The following GRIK2 variants were observed in gnomAD, a reference collection of about 807,000 sequenced individuals.
GRIK2 encodes the protein glutamate receptor ionotropic, kainate 2.
Under a neutral mutation model 100.3 loss-of-function variants are expected in GRIK2, and 32 were observed. The ratio of observed to expected loss-of-function variants is 0.32; its 90% CI spans 0.24 to 0.43. GRIK2 has a LOEUF of 0.43. GRIK2 is among the 20% of genes least tolerant of loss of function. The pLI, the probability that GRIK2 is intolerant of heterozygous loss-of-function variation, is 1.00. For missense variants in GRIK2, 843 were observed against 1,114.9 expected, an observed-to-expected ratio of 0.76 and a Z score of 3.47; for synonymous variants, 417 against 389.4, an observed-to-expected ratio of 1.07 and a Z score of -0.83.
chr6:101,666,436 G>A (rs948820331), intron 4 of GRIK2, among the ~76,000 whole-genome samples: 2 of 152,196 alleles, frequency 1.3e-5, no homozygotes, highest in African/African-American at 4.8e-5. Context: ...TGGCTGACCT[G>A]TAGTCTCCAA....
chr6:101,992,081 G>T (rs1794406440), intron 14 of GRIK2, among the ~76,000 whole-genome samples: 1 of 151,548 alleles, frequency 6.6e-6, no homozygotes, highest in Non-Finnish European at 1.5e-5. Context: ...TGCAATAACT[G>T]AAGTATTTAG....
intron 11 of GRIK2, among the ~76,000 whole-genome samples, chr6:101,885,884 G>A (rs1331670833): frequency 6.6e-6 from 1 of 151,968 alleles, no homozygotes; most frequent in African/African-American, 2.4e-5. Context: ...TAGTACATTT[G>A]TTACAGTTGA....
intron 14 of GRIK2, among the ~76,000 whole-genome samples, chr6:101,955,436 G>A (rs1791854306): frequency 6.6e-6 from 1 of 152,060 alleles, no homozygotes; most frequent in South Asian, 2.1e-4. Flanking sequence ...AAGTTTGCTT[G>A]AATCCAGGAG....
intron 15 of GRIK2, among the ~76,000 whole-genome samples, chr6:102,041,916 T>C (rs1208812167): frequency 6.6e-6 from 1 of 151,604 alleles, no homozygotes; most frequent in Non-Finnish European, 1.5e-5. Flanking sequence ...ATATTAAATA[T>C]ATAGCCGAGA....
rs920470004 is a variant in GRIK2, at chr6:101,620,166, T to C, written c.116-1783T>C. The C allele has an allele frequency of 3.2e-5, 21 of 646,788 alleles. No individual in the cohort carries two copies. In the African/African-American group the frequency reaches 4.1e-4, roughly 13 times the overall value. 40.1% of individuals were successfully genotyped at this position (646,788 alleles called of 1,614,324 possible). A position where few individuals can be genotyped will look rare whatever the true frequency, so the allele number is the denominator to read the frequency against. On this transcript the variant is annotated intron_variant, in intron 2 of 16. Coordinates refer to ENST00000369134, the MANE Select transcript of GRIK2 (RefSeq NM_021956.5). ...CAGATAGCAATTGGCAAATCCAGAA[T>C]GTTAAACCCGGTCTAGCTCCAAATA...
At chr6:101,679,847 C>T (rs1771110669) in intron 5 of GRIK2, among the ~76,000 whole-genome samples, 2 of 152,148 alleles carry the variant, frequency 1.3e-5, no homozygotes, top group South Asian at 4.1e-4. Context: ...TCAAGCAATT[C>T]TCTGCCTCGG....
chr6:101,578,035 C>T (rs941040958), intron 2 of GRIK2, among the ~76,000 whole-genome samples: 1 of 152,156 alleles, frequency 6.6e-6, no homozygotes, highest in Non-Finnish European at 1.5e-5. Context: ...AAACCCAATT[C>T]TTCACCTCAC....
At chr6:101,585,396 T>C (rs963969056) in intron 2 of GRIK2, among the ~76,000 whole-genome samples, 1 of 152,108 alleles carries the variant, frequency 6.6e-6, no homozygotes, top group Non-Finnish European at 1.5e-5. Flanking sequence ...TTCATGTCTT[T>C]ATTCAATCAT....
chr6:101,987,216 T>A (rs908227811), intron 14 of GRIK2, among the ~76,000 whole-genome samples: 1 of 151,826 alleles, frequency 6.6e-6, no homozygotes, highest in African/African-American at 2.4e-5. Context: ...ATGAATATTA[T>A]CATTCCCTTT....
intron 7 of GRIK2, among the ~76,000 whole-genome samples, chr6:101,711,418 A>T (rs1773686673): frequency 6.6e-6 from 1 of 151,792 alleles, no homozygotes; most frequent in Admixed American, 6.6e-5. Flanking sequence ...TTTAATATAA[A>T]ATCTGAAGAG....
At chr6:101,549,289 A>AAAG (rs1776397619) in intron 2 of GRIK2, among the ~76,000 whole-genome samples, 1 of 150,630 alleles carries the variant, frequency 6.6e-6, no homozygotes, top group Non-Finnish European at 1.5e-5. Flanking sequence ...AAAAAAAAAA[A>AAAG]GATTGTATGT....
chr6:101,626,999 A>G (rs944970646), intron 4 of GRIK2, among the ~76,000 whole-genome samples: 1 of 151,990 alleles, frequency 6.6e-6, no homozygotes, highest in African/African-American at 2.4e-5. Flanking sequence ...TATATTTAGA[A>G]TTCCAGTCAT....
At chr6:101,649,075 G>A (rs753298455) in intron 4 of GRIK2, among the ~76,000 whole-genome samples, 2 of 151,956 alleles carry the variant, frequency 1.3e-5, no homozygotes, top group Non-Finnish European at 2.9e-5. Context: ...ACAATTCAAG[G>A]TGAGAATATG....
Position 102,068,391 on chromosome 6 carries a change from G to C in GRIK2, c.2607G>C (p.Leu869=). The C allele has an allele frequency of 6.2e-7, 1 of 1,612,052 alleles. No individual in the cohort carries two copies. Among genetic ancestry groups the C allele is most frequent in the East Asian group, 2.2e-5 (1 of 44,846 alleles). ...TGGTAGAAGAATTGAGGATGTCCCT[G>C]AAGTGCCAGCGTCGGTTAAAACATA... is the stretch of plus-strand genomic sequence containing the variant. ...SAMVEELRMS[L]KCQRRLKHKP... is the part of the protein sequence containing the mutation. The change falls in exon 17 of 17, where the codon CTG becomes CTC. Residue 869 remains leucine, a synonymous_variant. Coordinates refer to ENST00000369134, the MANE Select transcript of GRIK2 (RefSeq NM_021956.5).
chr6:101,770,099 T>C (rs1285428210), intron 7 of GRIK2, among the ~76,000 whole-genome samples: 7 of 152,218 alleles, frequency 4.6e-5, no homozygotes, highest in Non-Finnish European at 4.4e-5. Flanking sequence ...CCAGGGCTTT[T>C]TGTTTGTTCA....
intron 2 of GRIK2, among the ~76,000 whole-genome samples, chr6:101,616,091 C>A (rs1779880739): frequency 6.6e-6 from 1 of 151,706 alleles, no homozygotes; most frequent in African/African-American, 2.4e-5. Flanking sequence ...TCCTGAGACA[C>A]CTGGCTCCAT....
chr6:102,049,961 G>T (rs1771084653), intron 15 of GRIK2, among the ~76,000 whole-genome samples: 1 of 152,004 alleles, frequency 6.6e-6, no homozygotes, highest in South Asian at 2.1e-4. Context: ...TGGACAATTT[G>T]CTGTGCAACC....
intron 7 of GRIK2, among the ~76,000 whole-genome samples, chr6:101,697,760 A>G (rs1772601254): frequency 6.6e-6 from 1 of 151,864 alleles, no homozygotes; most frequent in African/African-American, 2.4e-5. Flanking sequence ...TCCTTTGTAA[A>G]CTTCTGCTAA....
chr6:101,985,188 G>A (rs1449105559), intron 14 of GRIK2, among the ~76,000 whole-genome samples: 1 of 151,220 alleles, frequency 6.6e-6, no homozygotes, highest in African/African-American at 2.4e-5. Flanking sequence ...AAAATTCAAT[G>A]AAAAAAAAGT....
Sources: gnomAD v4.1 joint callset for allele counts (sites outside exome capture counted in the v4.1 genomes callset) on GRCh38, gnomAD v4.1.1 for gene constraint, MANE v1.5 for transcripts, NCBI Gene and HGNC (gene_info 2026-07-23, HGNC 2026-07-21) for gene names.